GNG4: variants seen among roughly 807,000 people sequenced by gnomAD.
The protein encoded by GNG4 is G protein subunit gamma 4.
In GNG4, 4 loss-of-function variants were observed where a neutral mutation model predicts 5.8. The ratio of observed to expected loss-of-function variants is 0.69; its 90% CI spans 0.34 to 1.57. The LOEUF (loss-of-function observed/expected upper bound fraction) is 1.57, where lower values mean the gene tolerates loss of function less well. Ranked by LOEUF, GNG4 falls within the 40% of genes most tolerant of loss-of-function variation. The pLI, the probability that GNG4 is intolerant of heterozygous loss-of-function variation, is 0.06. For missense variants in GNG4, 96 were observed against 95.1 expected (o/e 1.01, Z -0.04); for synonymous variants, 29 against 32.9 (o/e 0.88, Z 0.41).
intron 1 of GNG4, among the ~76,000 whole-genome samples, chr1:235,633,255 G>A (rs1452617812): frequency 6.6e-6 from 1 of 152,162 alleles, no homozygotes; most frequent in Non-Finnish European, 1.5e-5. Context: ...CAGAGCTGGT[G>A]GTATGAATGG....
chr1:235,573,207 C>T (rs939232109), intron 3 of GNG4, among the ~76,000 whole-genome samples: 2 of 151,738 alleles, frequency 1.3e-5, no homozygotes, highest in Non-Finnish European at 2.9e-5. Context: ...AACCATCATT[C>T]TGAGCAAACT....
Position 235,591,035 on chromosome 1 carries a change from C to T in GNG4, c.-11+4365G>A, listed in dbSNP as rs573440188. On this transcript the variant is annotated intron_variant, in intron 2 of 3. Coordinates refer to ENST00000391854, the MANE Select transcript of GNG4 (RefSeq NM_001098722.2). The stretch of plus-strand genomic sequence containing the variant: ...CGAGCTTCGTGAGGCTGCTGGTCCA[C>T]GGACCACACTTTGAGTAGCAAGGCT... Among the ~76,000 whole-genome samples, 11 of 152,272 alleles carry T rather than the reference C, an allele frequency of 7.2e-5. No homozygotes were observed. In the East Asian group the frequency reaches 7.7e-4, roughly 11 times the overall value.
intron 1 of GNG4, among the ~76,000 whole-genome samples, chr1:235,617,038 G>A (rs1688606364): frequency 6.6e-6 from 1 of 151,222 alleles, no homozygotes. Flanking sequence ...GTGAGCCACT[G>A]TGCCCTGCCC....
At chr1:235,623,393 A>G (rs537953707) in intron 1 of GNG4, among the ~76,000 whole-genome samples, 1 of 152,316 alleles carries the variant, frequency 6.6e-6, no homozygotes, top group African/African-American at 2.4e-5. Flanking sequence ...AGCCACAAGA[A>G]TAAGGAGAAA....
intron 2 of GNG4, among the ~76,000 whole-genome samples, chr1:235,593,773 A>G (rs12755762): frequency 0.41 from 61,621 of 151,684 alleles, 13,338 homozygotes; most frequent in East Asian, 0.79. Context: ...CCTTCCTCCC[A>G]GTGGGTTTGT....
chr1:235,649,844 TC>T (rs1657623205), upstream of GNG4: 1 of 135,338 alleles, frequency 7.4e-6, no homozygotes, highest in Non-Finnish European at 1.6e-5. The surrounding 1 kb of genome is among the most constrained non-coding windows in gnomAD (Gnocchi z 5.7). Context: ...GCGCCGCGCC[TC>T]CCGCCCTGCA....
chr1:235,636,008 T>C (rs1218808014), intron 1 of GNG4, among the ~76,000 whole-genome samples: 2 of 152,138 alleles, frequency 1.3e-5, no homozygotes, highest in Non-Finnish European at 2.9e-5. Context: ...CAGTTAGTGT[T>C]TGAGAACCTG....
chr1:235,615,401 G>T, intron 1 of GNG4: 1 of 154,084 alleles, frequency 6.5e-6, no homozygotes, highest in South Asian at 1.9e-4. Context: ...TAGTGCAACT[G>T]AAGTGTGGGG....
rs1340902515 is a variant in GNG4, at chr1:235,649,340, C to T, written c.-123+322G>A. 1.3e-5 allele frequency among the ~76,000 whole-genome samples: 2 copies of T among 152,192 alleles called. No individual in the cohort carries two copies. Among genetic ancestry groups the T allele is most frequent in the Non-Finnish European group, 1.5e-5 (1 of 68,012 alleles). On this transcript the variant is annotated intron_variant, in intron 1 of 3. Coordinates refer to ENST00000391854, the MANE Select transcript of GNG4 (RefSeq NM_001098722.2). This position sits in a 1 kb window ranked among gnomAD's most constrained non-coding sequence, Gnocchi z 5.7. The stretch of plus-strand genomic sequence containing the variant: ...TGTGACCTACAAATGGAAGAGGGGA[C>T]CCCCGAGCCCCCGCCTGCCTCATGC...
chr1:235,576,759 A>G (rs1180260113), intron 3 of GNG4, among the ~76,000 whole-genome samples: 1 of 152,144 alleles, frequency 6.6e-6, no homozygotes, highest in African/African-American at 2.4e-5. Flanking sequence ...TAAATATTAA[A>G]TGAATGGAGG....
chr1:235,606,859 C>T (rs552836724), intron 1 of GNG4, among the ~76,000 whole-genome samples: 124 of 151,336 alleles, frequency 8.2e-4, no homozygotes, highest in Non-Finnish European at 1.2e-4. Context: ...CATGGGGGGG[C>T]GAGCAGAGGA....
At chr1:235,588,156 G>A (rs755025355) in intron 2 of GNG4, among the ~76,000 whole-genome samples, 23 of 151,962 alleles carry the variant, frequency 1.5e-4, no homozygotes, top group Non-Finnish European at 8.8e-5. Flanking sequence ...TACCCTCTCC[G>A]CAGAGGAGAG....
At chr1:235,624,041 A>G (rs1688760180) in intron 1 of GNG4, among the ~76,000 whole-genome samples, 1 of 152,050 alleles carries the variant, frequency 6.6e-6, no homozygotes, top group African/African-American at 2.4e-5. Context: ...CACATGCCTG[A>G]AGAGCGTGGC....
intron 2 of GNG4, among the ~76,000 whole-genome samples, chr1:235,585,128 C>CCCTTCCTCCCTCCCTCTGGTCTT (rs1687727954): frequency 6.6e-6 from 1 of 151,972 alleles, no homozygotes. Flanking sequence ...CTCCCTCCTT[C>CCCTTCCTCCCTCCCTCTGGTCTT]CCTTCCTCCC....
intron 3 of GNG4, among the ~76,000 whole-genome samples, chr1:235,573,916 T>C (rs1434654937): frequency 1.3e-5 from 2 of 152,210 alleles, no homozygotes; most frequent in Non-Finnish European, 2.9e-5. Context: ...CTGACCTTGT[T>C]ATATGATCAC....
rs1181596456 is a variant in GNG4 at position 235,606,944 on chromosome 1, C to CTT, written c.-122-11435_-122-11434dup. ...CCTCCCTCCCTCCTTCCTTTCTTTCCTTTTTTTTTTTTTTTTTTTTGAGAC... is the reference window on the plus strand; with the variant it reads ...CCTCCCTCCCTCCTTCCTTTCTTTCCTTTTTTTTTTTTTTTTTTTTTTGAGAC... On this transcript the variant is annotated intron_variant, in intron 1 of 3. Transcript: ENST00000391854. Among the ~76,000 whole-genome samples the CTT allele has an allele frequency of 1.6e-3, 197 of 123,702 alleles. 5 individuals are homozygous for CTT. The highest frequency in any genetic ancestry group is 4.7e-3 in the African/African-American group (137 of 28,920). The allele number at this position is 123,702 out of a possible 152,430, so 81.2% of individuals were successfully genotyped here.
intron 1 of GNG4, among the ~76,000 whole-genome samples, chr1:235,601,843 T>C (rs1202408088): frequency 6.6e-6 from 1 of 152,212 alleles, no homozygotes; most frequent in Admixed American, 6.5e-5. Flanking sequence ...TGTCTACAGC[T>C]TAAGTTCAAC....
chr1:235,613,899 C>T (rs1408941366), intron 1 of GNG4, among the ~76,000 whole-genome samples: 1 of 152,152 alleles, frequency 6.6e-6, no homozygotes, highest in Non-Finnish European at 1.5e-5. Flanking sequence ...TGGCAATCTT[C>T]ACCTCCTGGG....
chr1:235,585,821 T>C (rs1009372349), intron 2 of GNG4, among the ~76,000 whole-genome samples: 1 of 152,234 alleles, frequency 6.6e-6, no homozygotes, highest in Admixed American at 6.5e-5. Flanking sequence ...TAAGGTAACA[T>C]TCTGATAATT....
Sources: gnomAD v4.1 joint callset for allele counts (sites outside exome capture counted in the v4.1 genomes callset) on GRCh38, gnomAD v4.1.1 for gene constraint, Gnocchi (gnomAD v3.1) non-coding constraint, MANE v1.5 for transcripts, NCBI Gene and HGNC (gene_info 2026-07-23, HGNC 2026-07-21) for gene names.